Variants in TUBB8B observed in about 807,000 individuals in gnomAD.
The protein encoded by TUBB8B is tubulin beta 8B, also known as HSA18p11 beta-tubulin 4Q pseudogene.
TUBB8B carries 26 observed loss-of-function variants against 31.9 expected under a neutral mutation model. The ratio of observed to expected loss-of-function variants is 0.81; its 90% confidence interval spans 0.60 to 1.13. The LOEUF (loss-of-function observed/expected upper bound fraction) is 1.13. Among genes scored for constraint, TUBB8B ranks in the 50% most tolerant of loss-of-function variants. TUBB8B has a pLI of 0.00. For synonymous variants in TUBB8B, 173 were observed against 231.0 expected (o/e 0.75, Z 2.28); for missense variants, 467 against 586.7 (o/e 0.80, Z 2.11).
At position 47,562 on chromosome 18, in the gene TUBB8B, A is replaced by T. The variant is rs781505741; in HGVS notation, c.1163T>A (p.Met388Lys). 2 of 1,336,858 alleles carry T rather than the reference A, an allele frequency of 1.5e-6. No individual in the cohort carries two copies. Among genetic ancestry groups the T allele is most frequent in the East Asian group, 4.6e-5 (2 of 43,936 alleles). The allele number at this position is 1,336,858 out of a possible 1,614,324, so 82.8% of individuals were successfully genotyped here. A position where few individuals can be genotyped will look rare whatever the true frequency, so the allele number is the denominator to read the frequency against. ...GTGGAGGAAGGCCTTGCGCCTGAAC[A>T]TTGCTGTAAACTGCTCTGAGACACA... is the stretch of plus-strand genomic sequence containing the variant. Reference protein sequence around the residue: ...FTCVSEQFTAMFRRKAFLHWY... With the variant: ...FTCVSEQFTAKFRRKAFLHWY... Residue 388 changes from methionine to lysine, a missense_variant, in exon 4 of 4, where the codon ATG (methionine) becomes AAG (lysine). Around this residue, in one of 2 missense-constraint regions of TUBB8B, gnomAD observed 208 missense variants for 206.7 expected, o/e 1.01. Transcript: ENST00000308911.
At chr18:48,528 G>C in intron 3 of TUBB8B, 81 bp from the exon 4 acceptor site, 3 of 1,022,170 alleles carry the variant, frequency 2.9e-6, no homozygotes, top group Non-Finnish European at 3.0e-6. Flanking sequence ...AAAGGGCCAA[G>C]TGTCACATGT....
At position 47,667 on chromosome 18, in the gene TUBB8B, A is replaced by G; in HGVS notation, c.1058T>C (p.Val353Ala). ...TAGCCCCCGGGGTGGGATGTCACAG[A>G]CGGCTGTTTTTACGTTGTCGGGGAA... ...DWFPDNVKTA[V>A]CDIPPRGLKM... Residue 353 changes from valine (V) to alanine (A), a missense_variant, in exon 4 of 4, where the codon GTC becomes GCC. Around this residue, in one of 2 missense-constraint regions of TUBB8B, gnomAD observed 208 missense variants for 206.7 expected, o/e 1.01. Transcript: ENST00000308911. The G allele has an allele frequency of 6.2e-7, 1 of 1,612,426 alleles. No individual in the cohort carries two copies. The highest frequency in any genetic ancestry group is 8.5e-7 in the Non-Finnish European group (1 of 1,179,436).
the TUBB8B span, among the ~76,000 whole-genome samples, chr18:56,749 A>G: frequency 1.8e-4 from 27 of 151,916 alleles, no homozygotes; most frequent in African/African-American, 6.5e-4. Flanking sequence ...TGCTGTAAAA[A>G]CAATTGGTGA....
the TUBB8B span, among the ~76,000 whole-genome samples, chr18:57,003 C>T: frequency 6.6e-6 from 1 of 151,780 alleles, no homozygotes; most frequent in Non-Finnish European, 1.5e-5. Context: ...GGAAATGATG[C>T]CAAACTGTTC....
Position 48,974 on chromosome 18 carries a change from G to C in TUBB8B, c.243C>G (p.Phe81Leu). ...AGTTGTCTGGCCTGAAGACCTGCCC[G>C]AAGGGCCCCGAGTGCACAGAGTCCA... is the stretch of plus-strand genomic sequence containing the variant. Reference protein sequence around the residue: ...GTMDSVHSGPFGQVFRPDNFI... With the variant: ...GTMDSVHSGPLGQVFRPDNFI... Residue 81 changes from phenylalanine (F) to leucine (L), a missense_variant, in exon 3 of 4, where the codon TTC (phenylalanine) becomes TTG (leucine). By Grantham distance (22) the Phe-to-Leu change is conservative. This residue lies in a region of TUBB8B where 259 missense variants were observed against 380.1 expected (regional missense o/e 0.68). Transcript: ENST00000308911. 5.0e-6 allele frequency: 8 copies of C among 1,608,558 alleles called. 1 individual carries two copies. The highest frequency in any genetic ancestry group is 5.9e-6 in the Non-Finnish European group (7 of 1,177,048).
At position 47,628 on chromosome 18, in the gene TUBB8B, G is replaced by A. The variant is rs781129660; in HGVS notation, c.1097C>T (p.Thr366Ile). 2.6e-5 allele frequency: 40 copies of A among 1,556,312 alleles called. No individual in the cohort carries two copies. The highest frequency in any genetic ancestry group is 1.0e-4 in the Admixed American group (6 of 58,792). Residue 366 changes from threonine to isoleucine, a missense_variant, in exon 4 of 4, where the codon ACC becomes ATC. By Grantham distance (89) the Thr-to-Ile change is moderately conservative. Transcript: ENST00000308911. Reference sequence around the variant, plus strand: ...GATGGCCGCATTATTCCCAATGAAGGTGGCTGACATTTTTAGCCCCCGGGG... The same window carrying A: ...GATGGCCGCATTATTCCCAATGAAGATGGCTGACATTTTTAGCCCCCGGGG... Reference protein sequence around the residue: ...IPPRGLKMSATFIGNNAAIQE... With the variant: ...IPPRGLKMSAIFIGNNAAIQE...
At chr18:63,688 C>A in the TUBB8B span, among the ~76,000 whole-genome samples, 8 of 136,568 alleles carry the variant, frequency 5.9e-5, no homozygotes, top group Admixed American at 5.6e-4. Flanking sequence ...CTAACCCTAA[C>A]CCCTAACCCT....
At chr18:67,862 C>T in the TUBB8B span, among the ~76,000 whole-genome samples, 3 of 152,050 alleles carry the variant, frequency 2.0e-5, no homozygotes, top group African/African-American at 7.2e-5. Flanking sequence ...ACTGATACGA[C>T]ACCTGTAAGG....
At chr18:59,315 C>T in the TUBB8B span, among the ~76,000 whole-genome samples, 2 of 151,542 alleles carry the variant, frequency 1.3e-5, no homozygotes, top group Non-Finnish European at 2.9e-5. Context: ...TGTTGAATTA[C>T]AGCGGTAAAA....
In TUBB8B at chr18:47,762, C is replaced by CAT; in HGVS notation, c.961_962dup (p.Met321IlefsTer4). On this transcript the variant is annotated frameshift_variant, in exon 4 of 4. Transcript: ENST00000308911. LOFTEE classifies it high-confidence loss of function. ...TTTGTTCATCCACCTCCCTCATGGG[C>CAT]ATGCGACCCCTGAAAATGGCAGCCA... 6.2e-7 allele frequency: 1 copy of CAT among 1,611,396 alleles called. No homozygotes were observed. The highest frequency in any genetic ancestry group is 8.5e-7 in the Non-Finnish European group (1 of 1,179,198).
the TUBB8B span, among the ~76,000 whole-genome samples, chr18:63,225 G>A: frequency 1.3e-5 from 2 of 151,760 alleles, no homozygotes; most frequent in Non-Finnish European, 2.9e-5. Flanking sequence ...GAAGAGTTCA[G>A]TCTTTATTGT....
At chr18:56,824 T>C in the TUBB8B span, among the ~76,000 whole-genome samples, 1 of 151,928 alleles carries the variant, frequency 6.6e-6, no homozygotes, top group Admixed American at 6.6e-5. Flanking sequence ...ACAGAAAGCA[T>C]AGCACTGGCT....
chr18:47,653 G>C lies in TUBB8B; in HGVS notation c.1072C>G (p.Pro358Ala), dbSNP rs527517095. ...GTGGCTGACATTTTTAGCCCCCGGGGTGGGATGTCACAGACGGCTGTTTTT... is the reference window on the plus strand; with the variant it reads ...GTGGCTGACATTTTTAGCCCCCGGGCTGGGATGTCACAGACGGCTGTTTTT... ...NVKTAVCDIPPRGLKMSATFI... is the reference protein window; with the variant it reads ...NVKTAVCDIPARGLKMSATFI... Residue 358 changes from proline (P) to alanine (A), a missense_variant, in exon 4 of 4, where the codon CCC (proline) becomes GCC (alanine). Physicochemically the swap from Pro to Ala is conservative, Grantham distance 27 (BLOSUM62 -1). Around this residue, in one of 2 missense-constraint regions of TUBB8B, gnomAD observed 208 missense variants for 206.7 expected, o/e 1.01. Transcript: ENST00000308911. The C allele has an allele frequency of 4.3e-6, 7 of 1,612,550 alleles. No individual in the cohort carries two copies. In the South Asian group the frequency reaches 7.7e-5, roughly 18 times the overall value.
the TUBB8B span, among the ~76,000 whole-genome samples, chr18:70,588 TCG>T: frequency 6.6e-6 from 1 of 151,992 alleles, no homozygotes; most frequent in African/African-American, 2.4e-5. Context: ...TGAGCGGAGA[TCG>T]CGCCACTACA....
chr18:50,729 G>A (rs74331049), upstream of TUBB8B, among the ~76,000 whole-genome samples: 176 of 117,656 alleles, frequency 1.5e-3, no homozygotes, highest in East Asian at 2.7e-3. Flanking sequence ...TCTTCTTCAG[G>A]GTATTCCGGC....
At chr18:63,027 T>A in the TUBB8B span, among the ~76,000 whole-genome samples, 14 of 151,834 alleles carry the variant, frequency 9.2e-5, no homozygotes, top group Non-Finnish European at 1.6e-4. Flanking sequence ...AATTTTGAAT[T>A]CCTTCTCTGC....
the TUBB8B span, among the ~76,000 whole-genome samples, chr18:63,582 G>A: frequency 1.9e-4 from 29 of 150,858 alleles, no homozygotes; most frequent in East Asian, 5.8e-4. Context: ...CCACTGTAAC[G>A]ACAACTTGGC....
chr18:69,640 C>A, the TUBB8B span, among the ~76,000 whole-genome samples: 1 of 152,190 alleles, frequency 6.6e-6, no homozygotes, highest in Non-Finnish European at 1.5e-5. Flanking sequence ...ACTGACAGCT[C>A]GTTCCTGCAA....
At chr18:66,471 A>G in the TUBB8B span, among the ~76,000 whole-genome samples, 1 of 146,698 alleles carries the variant, frequency 6.8e-6, no homozygotes, top group African/African-American at 2.6e-5. Flanking sequence ...GGATCACTTG[A>G]GCCCCGGAGA....
Sources: gnomAD v4.1 joint callset for allele counts (sites outside exome capture counted in the v4.1 genomes callset) on GRCh38, gnomAD v4.1.1 for gene constraint, gnomAD v4.1.1 regional missense constraint, MANE v1.5 for transcripts, NCBI Gene and HGNC (gene_info 2026-07-23, HGNC 2026-07-21) for gene names.